Variants in VSNL1 observed in about 807,000 individuals in gnomAD.
VSNL1 encodes the protein visinin-like protein 1.
A neutral mutation model predicts 20.4 loss-of-function variants in VSNL1; 6 were observed. The ratio of observed to expected loss-of-function variants is 0.29; its 90% CI spans 0.16 to 0.58. VSNL1 has a LOEUF of 0.58. Among genes scored for constraint, VSNL1 ranks in the 20% least tolerant of loss-of-function variants. The pLI is 0.90. For missense variants in VSNL1, 100 were observed against 234.5 expected (o/e 0.43, Z 3.75); for synonymous variants, 93 against 86.4 (o/e 1.08, Z -0.42).
intron 1 of VSNL1, among the ~76,000 whole-genome samples, chr2:17,564,786 A>G (rs956665118): frequency 1.3e-5 from 2 of 152,330 alleles, no homozygotes; most frequent in Middle Eastern, 3.4e-3. Context: ...GGTCTAATGG[A>G]GTCGGACAAG....
chr2:17,548,393 T>C (rs973333080), intron 1 of VSNL1, among the ~76,000 whole-genome samples: 2 of 152,158 alleles, frequency 1.3e-5, no homozygotes, highest in Admixed American at 6.5e-5. Context: ...TTTTGAAGTC[T>C]ACAAAACTTG....
rs553371048 is a variant in VSNL1 at position 17,545,881 on chromosome 2, A to G, written c.-6+4963A>G. 5.5e-4 allele frequency: 83 copies of G among 152,154 alleles called. 1 individual carries two copies. Among genetic ancestry groups the G allele is most frequent in the African/African-American group, 2.0e-3 (82 of 41,542 alleles). 9.4% of individuals were successfully genotyped at this position (152,154 alleles called of 1,614,324 possible). ...GTATGCAGATTGGGTAATTTTCACA[A>G]TTCTTACACTTTCTCTGGATTTCTC... On this transcript the variant is annotated intron_variant, in intron 1 of 3. Coordinates refer to ENST00000295156, the MANE Select transcript of VSNL1 (RefSeq NM_003385.5).
intron 3 of VSNL1, among the ~76,000 whole-genome samples, chr2:17,652,039 T>C (rs922372446): frequency 5.3e-5 from 8 of 152,204 alleles, no homozygotes; most frequent in African/African-American, 1.7e-4. Context: ...AGTGCCCAAT[T>C]TGTGACCATT....
At chr2:17,623,303 T>C (rs1665428483) in intron 2 of VSNL1, among the ~76,000 whole-genome samples, 1 of 152,136 alleles carries the variant, frequency 6.6e-6, no homozygotes, top group African/African-American at 2.4e-5. Context: ...AATGAAAACA[T>C]GCTTTACAAC....
chr2:17,540,569 TCTC>T (rs1558275358), upstream of VSNL1: 1 of 152,694 alleles, frequency 6.5e-6, no homozygotes, highest in Non-Finnish European at 1.5e-5. Flanking sequence ...GCTCCCGAGT[TCTC>T]CTAGCTGGGG....
intron 1 of VSNL1, among the ~76,000 whole-genome samples, chr2:17,567,983 GTTAAA>G (rs1302131021): frequency 5.3e-5 from 8 of 152,036 alleles, no homozygotes; most frequent in Admixed American, 2.6e-4. Context: ...CTTTTCAAAA[GTTAAA>G]TTAGTCTATT....
At chr2:17,591,295 C>G (rs754621034) in intron 1 of VSNL1, among the ~76,000 whole-genome samples, 15 of 152,136 alleles carry the variant, frequency 9.9e-5, no homozygotes, top group Admixed American at 2.0e-4. Flanking sequence ...CTCCCTACTC[C>G]CTGCTGTGAT....
intron 2 of VSNL1, among the ~76,000 whole-genome samples, chr2:17,647,348 T>A (rs1363033848): frequency 2.6e-5 from 4 of 152,212 alleles, no homozygotes; most frequent in African/African-American, 9.6e-5. Flanking sequence ...TAAACAGCAC[T>A]AAGGGGACTT....
In VSNL1 at chr2:17,587,784, G is replaced by A. The variant is rs12105890; in HGVS notation, c.-5-4286G>A. Among the ~76,000 whole-genome samples the A allele has an allele frequency of 6.1e-3, 932 of 152,212 alleles. 8 individuals are homozygous for A. The highest frequency in any genetic ancestry group is 0.021 in the African/African-American group (878 of 41,528). On this transcript the variant is annotated intron_variant, in intron 1 of 3. Coordinates refer to ENST00000295156, the MANE Select transcript of VSNL1 (RefSeq NM_003385.5). ...TTACTTAATCTCTCTGGCCTTCAAA[G>A]TTCTCATCAGTAAAAAGGAAACAAT...
At chr2:17,578,636 C>T (rs1664274075) in intron 1 of VSNL1, among the ~76,000 whole-genome samples, 1 of 152,212 alleles carries the variant, frequency 6.6e-6, no homozygotes, top group Admixed American at 6.5e-5. Flanking sequence ...AGGCCCACGG[C>T]TGGGAGGGAG....
chr2:17,592,636 C>CTT (rs1664617015), intron 2 of VSNL1, among the ~76,000 whole-genome samples: 1 of 82,978 alleles, frequency 1.2e-5, no homozygotes, highest in Admixed American at 1.6e-4. Context: ...TTCTCTCTCT[C>CTT]TCTCTTTTTT....
intron 1 of VSNL1, among the ~76,000 whole-genome samples, chr2:17,587,055 T>C (rs1182141058): frequency 1.3e-5 from 2 of 152,190 alleles, no homozygotes; most frequent in Non-Finnish European, 1.5e-5. Context: ...CATGCAGGTC[T>C]CCAACCTGAG....
chr2:17,575,905 C>T (rs1664201857), intron 1 of VSNL1, among the ~76,000 whole-genome samples: 1 of 152,136 alleles, frequency 6.6e-6, no homozygotes, highest in South Asian at 2.1e-4. Context: ...TATAAGAGAT[C>T]TCTATTTAAC....
At chr2:17,554,642 C>A (rs1663630251) in intron 1 of VSNL1, among the ~76,000 whole-genome samples, 1 of 151,982 alleles carries the variant, frequency 6.6e-6, no homozygotes, top group South Asian at 2.1e-4. Context: ...TAATCAGATA[C>A]CTGGTCCTTC....
chr2:17,605,902 A>T (rs1473547394), intron 2 of VSNL1, among the ~76,000 whole-genome samples: 1 of 152,256 alleles, frequency 6.6e-6, no homozygotes, highest in Non-Finnish European at 1.5e-5. Context: ...TGCATAGATG[A>T]ATAATAGACA....
intron 2 of VSNL1, among the ~76,000 whole-genome samples, chr2:17,612,333 C>T (rs1665111319): frequency 1.3e-5 from 2 of 152,204 alleles, no homozygotes; most frequent in Admixed American, 1.3e-4. Context: ...GCAGGGAGCC[C>T]CCCTCCCTAA....
At position 17,540,934 on chromosome 2, in the gene VSNL1, A is replaced by T. The variant is rs2103330644; in HGVS notation, c.-6+16A>T. ...CGCTGTAACTGTAAGTGGAAAATAC[A>T]ATCTTCGTTGCATTTCTGCATGTGT... is the stretch of plus-strand genomic sequence containing the variant. On this transcript the variant is annotated intron_variant, in intron 1 of 3. Coordinates refer to ENST00000295156, the MANE Select transcript of VSNL1 (RefSeq NM_003385.5). The T allele has an allele frequency of 6.6e-6, 1 of 152,400 alleles. No homozygotes were observed. The highest frequency in any genetic ancestry group is 2.1e-4 in the South Asian group (1 of 4,830). The allele number at this position is 152,400 out of a possible 1,614,324, so 9.4% of individuals were successfully genotyped here. A position where few individuals can be genotyped will look rare whatever the true frequency, so the allele number is the denominator to read the frequency against.
intron 2 of VSNL1, among the ~76,000 whole-genome samples, chr2:17,605,610 G>C (rs1664927968): frequency 6.6e-6 from 1 of 152,148 alleles, no homozygotes; most frequent in Non-Finnish European, 1.5e-5. Context: ...AAACAACCCA[G>C]GCAGAGTGTT....
rs191003789 is a variant in VSNL1 at position 17,623,297 on chromosome 2, A to G, written c.163-26113A>G. 2.7e-3 allele frequency among the ~76,000 whole-genome samples: 412 copies of G among 152,316 alleles called. 4 individuals carry two copies. Among genetic ancestry groups the G allele is most frequent in the Non-Finnish European group, 3.1e-3 (214 of 68,018 alleles). ...TAGGATACTTGTTCTGTCATAAATGAAAACATGCTTTACAACTTCAGTAAT... is the reference window on the plus strand; with the variant it reads ...TAGGATACTTGTTCTGTCATAAATGGAAACATGCTTTACAACTTCAGTAAT... On this transcript the variant is annotated intron_variant, in intron 2 of 3. Transcript: ENST00000295156.
Sources: gnomAD v4.1 joint callset for allele counts (sites outside exome capture counted in the v4.1 genomes callset) on GRCh38, gnomAD v4.1.1 for gene constraint, MANE v1.5 for transcripts, NCBI Gene and HGNC (gene_info 2026-07-23, HGNC 2026-07-21) for gene names.